MYO15B: variants seen among roughly 807,000 people sequenced by gnomAD.
MYO15B encodes myosin XVB, also known as myosin XVB pseudogene.
In MYO15B, 207 loss-of-function variants were observed where a neutral mutation model predicts 119.3. The observed-to-expected ratio is 1.73, with a 90% CI of 1.55 to 1.95. The LOEUF (loss-of-function observed/expected upper bound fraction) is 1.95. MYO15B is among the 30% of genes most tolerant of loss of function. The pLI, the probability that MYO15B is intolerant of heterozygous loss-of-function variation, is 0.00. For synonymous variants in MYO15B, 966 were observed against 498.9 expected (o/e 1.94, Z -12.48); for missense variants, 2,264 against 1,203.1 (o/e 1.88, Z -13.04).
In MYO15B at chr17:75,589,220, G is replaced by T. The variant is rs972808729; in HGVS notation, c.1163G>T (p.Arg388Leu). Reference sequence around the variant, plus strand: ...CTGCGGCGGCGGCTGCGGCTGCGGCGGCGGCCGCCAGAGGGCGAGGGGCAG... The same window carrying T: ...CTGCGGCGGCGGCTGCGGCTGCGGCTGCGGCCGCCAGAGGGCGAGGGGCAG... Residue 388 changes from arginine to leucine, a missense_variant, in exon 1 of 64, where the codon CGG (arginine) becomes CTG (leucine). Physicochemically the swap from Arg to Leu is moderately radical, Grantham distance 102 (BLOSUM62 -2). Transcript: ENST00000645453. The surrounding 1 kb of genome is among the most constrained non-coding windows in gnomAD (Gnocchi z 4.2). 1 of 398,204 alleles carries T rather than the reference G, an allele frequency of 2.5e-6. No individual in the cohort carries two copies. The highest frequency in any genetic ancestry group is 4.4e-6 in the Non-Finnish European group (1 of 227,396). 24.7% of individuals were successfully genotyped at this position (398,204 alleles called of 1,614,324 possible). A position where few individuals can be genotyped will look rare whatever the true frequency, so the allele number is the denominator to read the frequency against.
chr17:75,602,929 A>C, exon 17 of MYO15B: 1 of 691,712 alleles, frequency 1.4e-6, no homozygotes, highest in South Asian at 1.5e-5. Flanking sequence ...GGAGGACCTC[A>C]TAGCCCGGCT....
chr17:75,621,971 A>T (rs2058736752), intron 52 of MYO15B, 33 bp from the exon 53 acceptor site: 1 of 702,394 alleles, frequency 1.4e-6, no homozygotes, highest in African/African-American at 1.7e-5. Context: ...GCACAGCCCC[A>T]GCTATGTGCC....
chr17:75,625,615 C>G (rs552590174), exon 61 of MYO15B: 2 of 702,888 alleles, frequency 2.8e-6, no homozygotes, highest in South Asian at 1.5e-5. Flanking sequence ...GGAGCTGAGA[C>G]GGCTGGAAGG....
exon 1 of MYO15B, chr17:75,588,459 C>A: frequency 2.5e-6 from 1 of 398,508 alleles, no homozygotes; most frequent in East Asian, 3.6e-5. Context: ...ATAAGGGGCC[C>A]TCGGCTCGGC....
chr17:75,613,880 C>T (rs1406970391), intron 29 of MYO15B, 103 bp downstream of exon 29: 1 of 615,852 alleles, frequency 1.6e-6, no homozygotes, highest in Non-Finnish European at 2.9e-6. Context: ...GAGAGGTGCC[C>T]CGGGGTGGGC....
chr17:75,623,322 C>CA (rs1235853611), intron 53 of MYO15B, among the ~76,000 whole-genome samples: 3 of 149,564 alleles, frequency 2.0e-5, no homozygotes, highest in Non-Finnish European at 4.4e-5. Context: ...AAGACTGTCT[C>CA]AAAAAAATAA....
At chr17:75,602,620 C>A in intron 16 of MYO15B, 26 bp downstream of exon 16, 1 of 651,624 alleles carries the variant, frequency 1.5e-6, no homozygotes, top group Non-Finnish European at 2.8e-6. Flanking sequence ...TCCAGGCCCC[C>A]ACCCGCTCCA....
At chr17:75,604,770 A>G (rs970407033) in intron 19 of MYO15B, among the ~76,000 whole-genome samples, 3 of 151,908 alleles carry the variant, frequency 2.0e-5, no homozygotes, top group Non-Finnish European at 4.4e-5. Context: ...CGCCTGGCAT[A>G]GAGCAGGCAC....
At chr17:75,596,981 C>G (rs2056905801) in intron 14 of MYO15B, 82 bp downstream of exon 14, 1 of 621,516 alleles carries the variant, frequency 1.6e-6, no homozygotes, top group Non-Finnish European at 2.9e-6. Flanking sequence ...CTGGCAGAGC[C>G]TCCCAGAGGG....
chr17:75,624,416 T>G lies in MYO15B; in HGVS notation c.8414T>G (p.Val2805Gly), dbSNP rs1032019230. ...CTTCTTATTCACCTGCCGGGGGGTG[T>G]GGATTATAGGACGAATATCCAGACT... Residue 2805 changes from valine (V) to glycine (G), a missense_variant, in exon 57 of 64, where the codon GTG becomes GGG. Coordinates refer to ENST00000645453, the Ensembl canonical transcript of MYO15B. 2.3e-5 allele frequency: 16 copies of G among 702,442 alleles called. No individual in the cohort carries two copies. In the Middle Eastern group the frequency reaches 1.1e-3, roughly 50 times the overall value. The allele number at this position is 702,442 out of a possible 1,614,324, so 43.5% of individuals were successfully genotyped here.
At chr17:75,599,831 G>C in intron 14 of MYO15B, among the ~76,000 whole-genome samples, 1 of 150,290 alleles carries the variant, frequency 6.7e-6, no homozygotes, top group Admixed American at 6.6e-5. Flanking sequence ...GGAGGTGGAG[G>C]TTGCAGTGAG....
At position 75,624,846 on chromosome 17, in the gene MYO15B, G is replaced by A. The variant is rs542506091; in HGVS notation, c.8618G>A (p.Ser2873Asn). 19 of 703,036 alleles carry A rather than the reference G, an allele frequency of 2.7e-5. No individual in the cohort carries two copies. In the Admixed American group the frequency reaches 2.8e-4, roughly 10 times the overall value. The allele number at this position is 703,036 out of a possible 1,614,324, so 43.5% of individuals were successfully genotyped here. ...GTGGACCAGGACGTGAGCCTGCACA[G>A]CCGGCGGCTCCACTGGGAGACCCCA... The change falls in exon 59 of 64, where the codon AGC becomes AAC. Residue 2873 changes from serine (S) to asparagine (N), a missense_variant. Ser to Asn is a conservative substitution (Grantham distance 46, BLOSUM62 1). Coordinates refer to ENST00000645453, the Ensembl canonical transcript of MYO15B.
exon 20 of MYO15B, chr17:75,605,552 G>T (rs1304598116): frequency 2.8e-6 from 2 of 702,940 alleles, no homozygotes; most frequent in Non-Finnish European, 5.2e-6. Context: ...CTGACCGGGA[G>T]AAGTGTGGTG....
chr17:75,603,613 G>A (rs979043643), intron 19 of MYO15B, among the ~76,000 whole-genome samples: 1 of 152,184 alleles, frequency 6.6e-6, no homozygotes, highest in African/African-American at 2.4e-5. Flanking sequence ...TGCCCTAGGC[G>A]GGGCTCACGG....
At chr17:75,611,152 G>A (rs1391279305) in intron 23 of MYO15B, among the ~76,000 whole-genome samples, 193 bp downstream of exon 23, 1 of 151,934 alleles carries the variant, frequency 6.6e-6, no homozygotes, top group Non-Finnish European at 1.5e-5. Flanking sequence ...CTGTTTGTTC[G>A]AGTGTCCAGG....
chr17:75,615,836 C>T (rs1349736014), exon 36 of MYO15B: 3 of 702,044 alleles, frequency 4.3e-6, no homozygotes, highest in African/African-American at 1.7e-5. Context: ...CCCCCACACC[C>T]CCGGAGAAGC....
intron 19 of MYO15B, among the ~76,000 whole-genome samples, chr17:75,603,615 G>C (rs549332653): frequency 3.3e-5 from 5 of 152,294 alleles, no homozygotes; most frequent in Admixed American, 1.3e-4. Context: ...CCCTAGGCGG[G>C]GCTCACGGTC....
rs183806034 is a variant in MYO15B at position 75,596,466 on chromosome 17, C to T, written c.3304C>T (p.Arg1102Trp). 1.1e-3 allele frequency: 765 copies of T among 702,862 alleles called. 5 individuals are homozygous for T. In the African/African-American group the frequency reaches 0.011, roughly 10 times the overall value. The allele number at this position is 702,862 out of a possible 1,614,324, so 43.5% of individuals were successfully genotyped here. A position where few individuals can be genotyped will look rare whatever the true frequency, so the allele number is the denominator to read the frequency against. Reference sequence around the variant, plus strand: ...CACTGCCACATGCCCCCAGGCCCTGCGGGTGAATGGCCTGGAGCAACTGTG... The same window carrying T: ...CACTGCCACATGCCCCCAGGCCCTGTGGGTGAATGGCCTGGAGCAACTGTG... Residue 1102 changes from arginine to tryptophan, a missense_variant, in exon 13 of 64, where the codon CGG (arginine) becomes TGG (tryptophan). Arg to Trp is a moderately radical substitution (Grantham distance 101). Transcript: ENST00000645453.
chr17:75,595,030 C>T, intron 12 of MYO15B, 58 bp downstream of exon 12: 1 of 689,988 alleles, frequency 1.4e-6, no homozygotes, highest in Non-Finnish European at 2.6e-6. Flanking sequence ...CGATGGATTT[C>T]TGGGACCCCC....
Sources: gnomAD v4.1 joint callset for allele counts (sites outside exome capture counted in the v4.1 genomes callset) on GRCh38, gnomAD v4.1.1 for gene constraint, Gnocchi (gnomAD v3.1) non-coding constraint, MANE v1.5 for transcripts, NCBI Gene and HGNC (gene_info 2026-07-23, HGNC 2026-07-21) for gene names.